Variants in WIPF3 observed in about 807,000 individuals in gnomAD.
WIPF3 encodes the protein WAS/WASL interacting protein family member 3.
A neutral mutation model predicts 38.9 loss-of-function variants in WIPF3; 33 were observed. The observed-to-expected ratio is 0.85, with a 90% CI of 0.64 to 1.14. The LOEUF (loss-of-function observed/expected upper bound fraction) is 1.14. WIPF3 is among the 50% of genes most tolerant of loss of function. WIPF3 has a pLI of 0.00. For missense variants in WIPF3, 711 were observed against 652.5 expected (o/e 1.09, Z -0.98); for synonymous variants, 324 against 269.3 (o/e 1.20, Z -1.99).
intron 2 of WIPF3, among the ~76,000 whole-genome samples, chr7:29,867,926 T>C (rs1785420210): frequency 6.6e-6 from 1 of 152,128 alleles, no homozygotes; most frequent in Non-Finnish European, 1.5e-5. Context: ...TACTGATAGG[T>C]TGCTCACAGT....
In WIPF3 at chr7:29,884,316, G is replaced by T; in HGVS notation, c.822G>T (p.Gly274=). Residue 274 remains glycine (G), a synonymous_variant, in exon 5 of 9, where the codon GGG becomes GGT. Coordinates refer to ENST00000242140, the MANE Select transcript of WIPF3 (RefSeq NM_001080529.3). ...LPLLPPCGYP[G]LKAEPASPAQ... is the part of the protein sequence containing the mutation. ...TGCTCCCACCTTGTGGGTATCCGGGGCTCAAAGCGGAGCCCGCCAGCCCTG... is the reference window on the plus strand; with the variant it reads ...TGCTCCCACCTTGTGGGTATCCGGGTCTCAAAGCGGAGCCCGCCAGCCCTG... 3.3e-6 allele frequency: 5 copies of T among 1,529,932 alleles called. No homozygotes were observed. The highest frequency in any genetic ancestry group is 4.4e-6 in the Non-Finnish European group (5 of 1,138,242). The allele number at this position is 1,529,932 out of a possible 1,614,324, so 94.8% of individuals were successfully genotyped here. A position where few individuals can be genotyped will look rare whatever the true frequency, so the allele number is the denominator to read the frequency against.
chr7:29,903,781 C>A (rs1017992909), intron 7 of WIPF3, among the ~76,000 whole-genome samples: 24 of 152,054 alleles, frequency 1.6e-4, no homozygotes, highest in African/African-American at 5.8e-4. Context: ...GGGGGAGGAA[C>A]AAGAAGAGAA....
intron 2 of WIPF3, among the ~76,000 whole-genome samples, chr7:29,843,707 C>T (rs1482323337): frequency 6.6e-6 from 1 of 152,156 alleles, no homozygotes; most frequent in East Asian, 1.9e-4. Flanking sequence ...GCTGTGCTTG[C>T]GAAGGTCACC....
Position 29,884,199 on chromosome 7 carries a change from C to T in WIPF3, c.705C>T (p.Pro235=), listed in dbSNP as rs1180188119. ...CTCCGCCACCTCCCCCAACGCCACC[C>T]CCGCTGCCCCCGGCCTCGGTTCTTA... ...PPPPPPPPTP[P]PLPPASVLSD... Residue 235 remains proline, a synonymous_variant, in exon 5 of 9, where the codon CCC becomes CCT. Coordinates refer to ENST00000242140, the MANE Select transcript of WIPF3 (RefSeq NM_001080529.3). 8 of 1,524,214 alleles carry T rather than the reference C, an allele frequency of 5.2e-6. No homozygotes were observed. In the African/African-American group the frequency reaches 7.0e-5, roughly 13 times the overall value. 94.4% of individuals were successfully genotyped at this position (1,524,214 alleles called of 1,614,324 possible).
At chr7:29,818,314 G>A (rs975816552) in intron 1 of WIPF3, among the ~76,000 whole-genome samples, 7 of 151,866 alleles carry the variant, frequency 4.6e-5, no homozygotes, top group African/African-American at 1.7e-4. Flanking sequence ...ATTAACTGGG[G>A]TGGTGGCACA....
chr7:29,884,280 C>G lies in WIPF3; in HGVS notation c.786C>G (p.Pro262=), dbSNP rs2128075855. The G allele has an allele frequency of 6.6e-7, 1 of 1,523,584 alleles. No individual in the cohort carries two copies. The allele number at this position is 1,523,584 out of a possible 1,614,324, so 94.4% of individuals were successfully genotyped here. The change falls in exon 5 of 9, where the codon CCC becomes CCG. Residue 262 remains proline, a synonymous_variant. Coordinates refer to ENST00000242140, the MANE Select transcript of WIPF3 (RefSeq NM_001080529.3). The stretch of plus-strand genomic sequence containing the variant: ...CCTTGCACCTCCCGCCCATCCCGCC[C>G]CCGCTCCCTCTGCTCCCACCTTGTG... The part of the protein sequence containing the change: ...LAPLHLPPIP[P]PLPLLPPCGY...
Position 29,883,970 on chromosome 7 carries a change from A to T in WIPF3, c.476A>T (p.His159Leu). Residue 159 changes from histidine to leucine, a missense_variant, in exon 5 of 9, where the codon CAT becomes CTT. Coordinates refer to ENST00000242140, the MANE Select transcript of WIPF3 (RefSeq NM_001080529.3). ...SPRLGNTSEA[H>L]GAARTAPPRP... ...AGGCTAGGCAATACCTCCGAGGCGC[A>T]TGGCGCTGCCAGGACAGCCCCGCCT... 6.5e-7 allele frequency: 1 copy of T among 1,545,838 alleles called. No individual in the cohort carries two copies. The highest frequency in any genetic ancestry group is 8.7e-7 in the Non-Finnish European group (1 of 1,144,350).
chr7:29,886,529 G>A (rs140950147), intron 5 of WIPF3, among the ~76,000 whole-genome samples: 1 of 151,658 alleles, frequency 6.6e-6, no homozygotes, highest in African/African-American at 2.4e-5. Context: ...GCTAATTTTT[G>A]TATTTTTAGT....
intron 7 of WIPF3, among the ~76,000 whole-genome samples, chr7:29,902,265 C>CTTTTT (rs141174377): frequency 9.5e-5 from 11 of 116,386 alleles, no homozygotes; most frequent in East Asian, 3.0e-4. Flanking sequence ...TTTTCTTCTT[C>CTTTTT]TTCTTCTTCT....
rs1331338763 is a variant in WIPF3, at chr7:29,844,602, TGCC to T, written c.90+9790_90+9792del. 6.6e-6 allele frequency among the ~76,000 whole-genome samples: 1 copy of T among 152,228 alleles called. No individual in the cohort carries two copies. The highest frequency in any genetic ancestry group is 1.5e-5 in the Non-Finnish European group (1 of 68,042). Reference sequence around the variant, plus strand: ...TGCCTTTCTGGCCATTGAGCCTAACTGCCGTGTGCCCCACTGCCTCCAGCTGCG... The same window carrying T: ...TGCCTTTCTGGCCATTGAGCCTAACTGTGTGCCCCACTGCCTCCAGCTGCG... On this transcript the variant is annotated intron_variant, in intron 2 of 8. Coordinates refer to ENST00000242140, the MANE Select transcript of WIPF3 (RefSeq NM_001080529.3). This position sits in a 1 kb window ranked among gnomAD's most constrained non-coding sequence, Gnocchi z 4.8.
intron 3 of WIPF3, among the ~76,000 whole-genome samples, chr7:29,877,466 G>C (rs533647096): frequency 1.3e-5 from 2 of 152,286 alleles, no homozygotes; most frequent in East Asian, 3.9e-4. Context: ...CGGGTATTCT[G>C]GTGATACTAC....
intron 2 of WIPF3, among the ~76,000 whole-genome samples, chr7:29,836,437 C>G (rs1024995752): frequency 9.9e-5 from 15 of 152,154 alleles, no homozygotes; most frequent in African/African-American, 2.9e-4. Flanking sequence ...TTGAACAGGT[C>G]TTTCTGGAGT....
At chr7:29,884,888 A>T (rs1198163036) in intron 5 of WIPF3, among the ~76,000 whole-genome samples, 1 of 152,164 alleles carries the variant, frequency 6.6e-6, no homozygotes, top group Non-Finnish European at 1.5e-5. Flanking sequence ...GTTGTTAAGG[A>T]TTAAGTGAGT....
chr7:29,833,861 TA>T (rs1356614343), intron 1 of WIPF3, among the ~76,000 whole-genome samples: 37 of 152,334 alleles, frequency 2.4e-4, no homozygotes, highest in African/African-American at 8.7e-4. Context: ...ATACAGATTT[TA>T]AGTCCTTGCA....
intron 7 of WIPF3, among the ~76,000 whole-genome samples, chr7:29,891,242 G>A (rs1299598003): frequency 2.1e-5 from 3 of 143,230 alleles, no homozygotes; most frequent in Non-Finnish European, 4.6e-5. Context: ...AGGGGGCGAG[G>A]GCCTGCCCTG....
At chr7:29,897,707 C>T (rs926546127) in intron 7 of WIPF3, among the ~76,000 whole-genome samples, 4 of 152,160 alleles carry the variant, frequency 2.6e-5, no homozygotes, top group Non-Finnish European at 5.9e-5. Context: ...AATTAGATGT[C>T]CCAAGACAGA....
intron 1 of WIPF3, among the ~76,000 whole-genome samples, chr7:29,828,535 A>C (rs1202723157): frequency 2.6e-5 from 4 of 152,162 alleles, no homozygotes; most frequent in Non-Finnish European, 5.9e-5. Context: ...ACATACCCAG[A>C]TTTCAAAATT....
intron 2 of WIPF3, among the ~76,000 whole-genome samples, chr7:29,851,283 A>T (rs965118326): frequency 6.6e-6 from 1 of 152,132 alleles, no homozygotes; most frequent in Non-Finnish European, 1.5e-5. Flanking sequence ...TGTGAAGCTC[A>T]CTTCCTGGTG....
intron 7 of WIPF3, among the ~76,000 whole-genome samples, chr7:29,894,926 T>TG (rs201933044): frequency 0.056 from 8,443 of 151,822 alleles, 284 homozygotes; most frequent in Middle Eastern, 0.095. Flanking sequence ...GTTGTTTTTT[T>TG]TTGTTGTTGT....
Sources: allele counts gnomAD v4.1 joint callset (sites outside exome capture counted in the v4.1 genomes callset), GRCh38; gene constraint gnomAD v4.1.1; non-coding constraint Gnocchi (gnomAD v3.1); transcripts MANE v1.5; gene names NCBI Gene and HGNC (gene_info 2026-07-23, HGNC 2026-07-21).